IMPA1: variants seen among roughly 807,000 people sequenced by gnomAD.
IMPA1 encodes the protein inositol monophosphatase 1.
IMPA1 carries 21 observed loss-of-function variants against 34.9 expected under a neutral mutation model. The ratio of observed to expected loss-of-function variants is 0.60; its 90% CI spans 0.43 to 0.87. The LOEUF is 0.87. IMPA1 is among the 40% of genes least tolerant of loss of function. IMPA1 has a pLI of 0.00. For synonymous variants in IMPA1, 95 were observed against 104.4 expected, an observed-to-expected ratio of 0.91 and a Z score of 0.55; for missense variants, 299 against 336.4, an observed-to-expected ratio of 0.89 and a Z score of 0.87.
chr8:81,673,278 T>C (rs1807041269), intron 6 of IMPA1, among the ~76,000 whole-genome samples: 1 of 152,228 alleles, frequency 6.6e-6, no homozygotes, highest in Non-Finnish European at 1.5e-5. Context: ...AAAATGCAGA[T>C]TCACTGAGCC....
chr8:81,680,902 A>T, intron 2 of IMPA1, 119 bp from the exon 3 acceptor site: 1 of 756,856 alleles, frequency 1.3e-6, no homozygotes, highest in South Asian at 2.1e-5. Context: ...AGACATTCTT[A>T]AAAATGTCTT....
chr8:81,678,704 A>AG, intron 4 of IMPA1: 1 of 171,884 alleles, frequency 5.8e-6, no homozygotes, highest in Middle Eastern at 5.2e-4. Flanking sequence ...AAAAAAAAAA[A>AG]CCATATTTTT....
rs1806537336 is a variant in IMPA1 at position 81,657,007 on chromosome 8, T to C, written c.*2344A>G. On this transcript the variant is annotated 3_prime_UTR_variant, in exon 9 of 9. Transcript: ENST00000256108. ...GTGTATGTATCCACATGCAGAAAGATAATATACCCTGATACAAAATATACA... is the reference window on the plus strand; with the variant it reads ...GTGTATGTATCCACATGCAGAAAGACAATATACCCTGATACAAAATATACA... 6.6e-6 allele frequency among the ~76,000 whole-genome samples: 1 copy of C among 152,210 alleles called. No individual in the cohort carries two copies. Among genetic ancestry groups the C allele is most frequent in the Non-Finnish European group, 1.5e-5 (1 of 68,032 alleles).
rs1361562055 is a variant in IMPA1, at chr8:81,656,952, A to ATATATTTATG, written c.*2389_*2398dup. On this transcript the variant is annotated 3_prime_UTR_variant, in exon 9 of 9. Transcript: ENST00000256108. ...ACATATATTTTATGTGTTCAAGTACATATATTTATGTATATTTATGTATGT... is the reference window on the plus strand; with the variant it reads ...ACATATATTTTATGTGTTCAAGTACATATATTTATGTATATTTATGTATATTTATGTATGT... 6.6e-6 allele frequency among the ~76,000 whole-genome samples: 1 copy of ATATATTTATG among 152,230 alleles called. No homozygotes were observed. The highest frequency in any genetic ancestry group is 1.5e-5 in the Non-Finnish European group (1 of 68,030).
At chr8:81,682,133 GAGAAA>G (rs1158687588) in intron 1 of IMPA1, among the ~76,000 whole-genome samples, 5 of 151,812 alleles carry the variant, frequency 3.3e-5, no homozygotes, top group South Asian at 2.1e-4. Flanking sequence ...ATAACATTCT[GAGAAA>G]AGAAAATTCC....
At chr8:81,668,898 C>G (rs923506951) in intron 7 of IMPA1, among the ~76,000 whole-genome samples, 7 of 152,144 alleles carry the variant, frequency 4.6e-5, no homozygotes, top group African/African-American at 1.7e-4. Flanking sequence ...TGCTGGCTGC[C>G]CAGGGCCACC....
At chr8:81,685,999 T>G in intron 1 of IMPA1, 1 of 1,423,868 alleles carries the variant, frequency 7.0e-7, no homozygotes, top group South Asian at 1.4e-5. Context: ...GGGGCAATTA[T>G]TCCACAGAAG....
At chr8:81,683,774 C>T (rs974304403) in intron 1 of IMPA1, among the ~76,000 whole-genome samples, 2 of 113,012 alleles carry the variant, frequency 1.8e-5, no homozygotes, top group African/African-American at 8.4e-5. Context: ...CAACTGAGGT[C>T]CTGAGTCTGG....
rs939242403 is a variant in IMPA1 at position 81,673,784 on chromosome 8, A to G, written c.457+57T>C. ...GAATTCCATAGGTGAATATTAAAAAACAATAAAATATTGAGCACACAATAT... is the reference window on the plus strand; with the variant it reads ...GAATTCCATAGGTGAATATTAAAAAGCAATAAAATATTGAGCACACAATAT... On this transcript the variant is annotated intron_variant, in intron 6 of 8. Coordinates refer to ENST00000256108, the MANE Select transcript of IMPA1 (RefSeq NM_005536.4). 103 of 976,344 alleles carry G rather than the reference A, an allele frequency of 1.1e-4. No individual in the cohort carries two copies. In the East Asian group the frequency reaches 2.4e-3, roughly 23 times the overall value. The allele number at this position is 976,344 out of a possible 1,614,324, so 60.5% of individuals were successfully genotyped here.
chr8:81,660,540 C>A lies in IMPA1; in HGVS notation c.694G>T (p.Gly232Cys), dbSNP rs1237593393. The A allele has an allele frequency of 1.2e-6, 2 of 1,613,780 alleles. No homozygotes were observed. The highest frequency in any genetic ancestry group is 1.7e-6 in the Non-Finnish European group (2 of 1,179,726). The change falls in exon 8 of 9, where the codon GGT becomes TGT. Residue 232 changes from glycine to cysteine, a missense_variant. Coordinates refer to ENST00000256108, the MANE Select transcript of IMPA1 (RefSeq NM_005536.4). Reference protein sequence around the residue: ...AGAGIIVTEAGGVLMDVTGGP... With the variant: ...AGAGIIVTEACGVLMDVTGGP... Reference sequence around the variant, plus strand: ...CCTGTAACATCCATTAGCACGCCACCAGCTTCAGTAACAATAATGCCAGCT... The same window carrying A: ...CCTGTAACATCCATTAGCACGCCACAAGCTTCAGTAACAATAATGCCAGCT...
At position 81,658,579 on chromosome 8, in the gene IMPA1, C is replaced by T. The variant is rs530962998; in HGVS notation, c.*772G>A. On this transcript the variant is annotated 3_prime_UTR_variant, in exon 9 of 9. Coordinates refer to ENST00000256108, the MANE Select transcript of IMPA1 (RefSeq NM_005536.4). ...TCTTACACAAGACTTTAAAGCAAATCCAAACAGACAATTTAACTGTTTTGG... is the reference window on the plus strand; with the variant it reads ...TCTTACACAAGACTTTAAAGCAAATTCAAACAGACAATTTAACTGTTTTGG... The T allele has an allele frequency of 6.6e-6, 1 of 152,628 alleles. No homozygotes were observed. The highest frequency in any genetic ancestry group is 2.1e-4 in the South Asian group (1 of 4,824). The allele number at this position is 152,628 out of a possible 1,614,324, so 9.5% of individuals were successfully genotyped here. A position where few individuals can be genotyped will look rare whatever the true frequency, so the allele number is the denominator to read the frequency against.
intron 7 of IMPA1, among the ~76,000 whole-genome samples, chr8:81,662,289 T>A (rs1007340545): frequency 6.6e-6 from 1 of 152,214 alleles, no homozygotes; most frequent in South Asian, 2.1e-4. Flanking sequence ...TATCATAGAA[T>A]GCAAATACCA....
At chr8:81,661,669 A>G (rs1245730674) in intron 7 of IMPA1, among the ~76,000 whole-genome samples, 1 of 152,224 alleles carries the variant, frequency 6.6e-6, no homozygotes, top group Admixed American at 6.5e-5. Context: ...ATGACTCTAG[A>G]CTGGATGTTG....
chr8:81,681,184 C>T lies in IMPA1; in HGVS notation c.63+314G>A, dbSNP rs530742149. Among the ~76,000 whole-genome samples, 443 of 152,224 alleles carry T rather than the reference C, an allele frequency of 2.9e-3. 5 individuals are homozygous for T. The highest frequency in any genetic ancestry group is 0.01 in the African/African-American group (424 of 41,522). Reference sequence around the variant, plus strand: ...GCCAAGGTGGTCCAGGAATTCAAGACCAGCCTGGACAACACAGCGAGACCC... The same window carrying T: ...GCCAAGGTGGTCCAGGAATTCAAGATCAGCCTGGACAACACAGCGAGACCC... On this transcript the variant is annotated intron_variant, in intron 2 of 8. Transcript: ENST00000256108.
chr8:81,676,163 A>G (rs1431579984), intron 5 of IMPA1, 71 bp downstream of exon 5: 1 of 619,872 alleles, frequency 1.6e-6, no homozygotes, highest in African/African-American at 1.9e-5. Flanking sequence ...ATTTATTATG[A>G]AAACACATTT....
At chr8:81,677,524 G>A (rs1467206845) in intron 4 of IMPA1, among the ~76,000 whole-genome samples, 2 of 152,162 alleles carry the variant, frequency 1.3e-5, no homozygotes, top group East Asian at 3.8e-4. Context: ...TAGACTTTGA[G>A]CCAAAATTTT....
Position 81,686,285 on chromosome 8 carries a change from A to G in IMPA1, c.-58T>C, listed in dbSNP as rs1482367650. ...GGAGGACGTCCGGCTAGCTCTGTGAACGGTGTTACCGCACTCGTCTCTTCC... is the reference window on the plus strand; with the variant it reads ...GGAGGACGTCCGGCTAGCTCTGTGAGCGGTGTTACCGCACTCGTCTCTTCC... On this transcript the variant is annotated 5_prime_UTR_variant, in exon 1 of 9. Transcript: ENST00000256108. 6 of 995,122 alleles carry G rather than the reference A, an allele frequency of 6.0e-6. No homozygotes were observed. In the Admixed American group the frequency reaches 1.8e-4, roughly 30 times the overall value. The allele number at this position is 995,122 out of a possible 1,614,324, so 61.6% of individuals were successfully genotyped here. A position where few individuals can be genotyped will look rare whatever the true frequency, so the allele number is the denominator to read the frequency against.
chr8:81,677,847 A>G (rs576181440), intron 4 of IMPA1, among the ~76,000 whole-genome samples: 21 of 152,338 alleles, frequency 1.4e-4, no homozygotes, highest in African/African-American at 3.8e-4. Context: ...ACAGATGTGT[A>G]CAACTACATG....
At chr8:81,672,277 C>G (rs1309662624) in intron 6 of IMPA1, among the ~76,000 whole-genome samples, 2 of 152,068 alleles carry the variant, frequency 1.3e-5, no homozygotes, top group African/African-American at 4.8e-5. Flanking sequence ...CTCAAAACCT[C>G]AATAAGCTGT....
Sources: allele counts gnomAD v4.1 joint callset (sites outside exome capture counted in the v4.1 genomes callset), GRCh38; gene constraint gnomAD v4.1.1; transcripts MANE v1.5; gene names NCBI Gene and HGNC (gene_info 2026-07-23, HGNC 2026-07-21).